ASIC2: variants seen among roughly 807,000 people sequenced by gnomAD.
ASIC2 encodes acid-sensing ion channel 2.
A neutral mutation model predicts 57.3 loss-of-function variants in ASIC2; 25 were observed. The ratio of observed to expected loss-of-function variants is 0.44; its 90% CI spans 0.32 to 0.61. ASIC2 has a LOEUF of 0.61. Ranked by LOEUF, ASIC2 falls within the 20% of genes least tolerant of loss-of-function variation. ASIC2 has a pLI of 0.06. For synonymous variants in ASIC2, 319 were observed against 307.5 expected, an observed-to-expected ratio of 1.04 and a Z score of -0.39; for missense variants, 641 against 738.1, an observed-to-expected ratio of 0.87 and a Z score of 1.52.
At chr17:34,007,517 G>A (rs1906566003) in intron 1 of ASIC2, among the ~76,000 whole-genome samples, 1 of 152,164 alleles carries the variant, frequency 6.6e-6, no homozygotes, top group South Asian at 2.1e-4. Flanking sequence ...TGCTCAAAGG[G>A]CCAGAAGACA....
intron 1 of ASIC2, among the ~76,000 whole-genome samples, chr17:33,808,657 A>T (rs1403805798): frequency 6.6e-6 from 1 of 152,198 alleles, no homozygotes; most frequent in Non-Finnish European, 1.5e-5. Context: ...CTGTGTGGTG[A>T]TGATCACATC....
At chr17:33,804,021 A>G (rs1261999515) in intron 1 of ASIC2, among the ~76,000 whole-genome samples, 1 of 152,184 alleles carries the variant, frequency 6.6e-6, no homozygotes, top group Non-Finnish European at 1.5e-5. Context: ...AAAAATACCC[A>G]CAGCAGCCTG....
At chr17:33,194,235 C>T (rs909130948) in intron 1 of ASIC2, among the ~76,000 whole-genome samples, 1 of 152,186 alleles carries the variant, frequency 6.6e-6, no homozygotes, top group African/African-American at 2.4e-5. Flanking sequence ...CTAAAAAGCT[C>T]CTTGTTTTTC....
chr17:33,324,464 G>A (rs1176865368), intron 1 of ASIC2, among the ~76,000 whole-genome samples: 1 of 151,848 alleles, frequency 6.6e-6, no homozygotes, highest in African/African-American at 2.4e-5. Context: ...CTGCTGGACT[G>A]TAGCAGGATA....
intron 1 of ASIC2, among the ~76,000 whole-genome samples, chr17:33,467,718 T>A (rs1336389673): frequency 6.6e-6 from 1 of 152,214 alleles, no homozygotes; most frequent in African/African-American, 2.4e-5. Context: ...CTCAATCAAT[T>A]GCCAATCAGA....
chr17:33,350,941 C>T (rs955164521), intron 1 of ASIC2, among the ~76,000 whole-genome samples: 2 of 152,182 alleles, frequency 1.3e-5, no homozygotes, highest in Non-Finnish European at 1.5e-5. Context: ...TCTGTTCTAA[C>T]ATTTTGGGAT....
chr17:33,427,196 G>A (rs1366470350), intron 1 of ASIC2, among the ~76,000 whole-genome samples: 1 of 152,178 alleles, frequency 6.6e-6, no homozygotes, highest in Non-Finnish European at 1.5e-5. Context: ...TTTTAAACAG[G>A]AGTGTAATGA....
chr17:33,886,944 AAACAAACT>A (rs1387396901), intron 1 of ASIC2, among the ~76,000 whole-genome samples: 28 of 151,472 alleles, frequency 1.8e-4, no homozygotes, highest in African/African-American at 5.8e-4. Context: ...GAAAACAAAC[AAACAAACT>A]AACAAAAAAA....
intron 1 of ASIC2, chr17:34,120,192 T>C (rs1197767229): frequency 6.6e-6 from 1 of 152,204 alleles, no homozygotes; most frequent in African/African-American, 2.4e-5. Flanking sequence ...CTGATGACAA[T>C]TATGGGGGAA....
intron 1 of ASIC2, chr17:33,290,637 C>T (rs1785554166): frequency 6.6e-6 from 1 of 152,268 alleles, no homozygotes; most frequent in Non-Finnish European, 1.5e-5. Flanking sequence ...GCTTTCTCAA[C>T]TCCGGAGCAA....
rs543397418 is a variant in ASIC2, at chr17:33,897,327, C to T, written c.555+258651G>A. On this transcript the variant is annotated intron_variant, in intron 1 of 9. Transcript: ENST00000359872. ...AGAAATAATGGTTTTGCCCCAAAGCCTCTCTCTCCTTCCCTCTGCATTTCA... is the reference window on the plus strand; with the variant it reads ...AGAAATAATGGTTTTGCCCCAAAGCTTCTCTCTCCTTCCCTCTGCATTTCA... 4.2e-4 allele frequency among the ~76,000 whole-genome samples: 64 copies of T among 152,238 alleles called. 1 individual carries two copies. The South Asian group carries it at 0.013, about 31-fold the overall frequency.
chr17:33,808,229 T>C lies in ASIC2; in HGVS notation c.555+347749A>G, dbSNP rs552666929. On this transcript the variant is annotated intron_variant, in intron 1 of 9. Transcript: ENST00000359872. ...TTGTGAACAGTGTGAGGTCTGTGTCTACATTCTTTTTTTGCATGCGAATGC... is the reference window on the plus strand; with the variant it reads ...TTGTGAACAGTGTGAGGTCTGTGTCCACATTCTTTTTTTGCATGCGAATGC... Among the ~76,000 whole-genome samples, 3 of 152,378 alleles carry C rather than the reference T, an allele frequency of 2.0e-5. No individual in the cohort carries two copies. In the East Asian group the frequency reaches 5.8e-4, roughly 29 times the overall value.
intron 1 of ASIC2, among the ~76,000 whole-genome samples, chr17:34,106,437 C>T (rs1332023428): frequency 6.6e-6 from 1 of 152,110 alleles, no homozygotes; most frequent in Non-Finnish European, 1.5e-5. Flanking sequence ...AGCTCCAGCA[C>T]TCCTTCCATA....
intron 1 of ASIC2, among the ~76,000 whole-genome samples, chr17:33,133,585 C>G (rs987531448): frequency 6.6e-6 from 1 of 152,172 alleles, no homozygotes; most frequent in Non-Finnish European, 1.5e-5. Flanking sequence ...ATGATTATCC[C>G]AAAGGATTCG....
chr17:34,087,421 AT>A (rs1203391724), intron 1 of ASIC2, among the ~76,000 whole-genome samples: 1 of 152,132 alleles, frequency 6.6e-6, no homozygotes, highest in Non-Finnish European at 1.5e-5. Context: ...TGTTAGTCTG[AT>A]GGGCTTCCCT....
intron 1 of ASIC2, among the ~76,000 whole-genome samples, chr17:34,155,053 G>T (rs1161577614): frequency 2.0e-5 from 3 of 150,844 alleles, no homozygotes; most frequent in Non-Finnish European, 4.4e-5. Context: ...ATCCCCCTCC[G>T]CTTTTCCTCT....
chr17:34,020,774 C>A (rs753233335), intron 1 of ASIC2, among the ~76,000 whole-genome samples: 11 of 152,174 alleles, frequency 7.2e-5, no homozygotes, highest in Non-Finnish European at 1.6e-4. Flanking sequence ...GGAAGGAATG[C>A]AGCCCCGCCC....
intron 1 of ASIC2, chr17:33,936,838 T>G (rs1042447104): frequency 8.5e-5 from 13 of 152,286 alleles, no homozygotes; most frequent in Non-Finnish European, 1.9e-4. Flanking sequence ...GAGACAAGCA[T>G]GAACACATCG....
At chr17:33,723,198 A>C (rs1909440054) in intron 1 of ASIC2, among the ~76,000 whole-genome samples, 1 of 152,246 alleles carries the variant, frequency 6.6e-6, no homozygotes, top group Non-Finnish European at 1.5e-5. Flanking sequence ...ACCTCACAGC[A>C]ATAGAAAAGA....
Sources: allele counts gnomAD v4.1 joint callset (sites outside exome capture counted in the v4.1 genomes callset), GRCh38; gene constraint gnomAD v4.1.1; transcripts MANE v1.5; gene names NCBI Gene and HGNC (gene_info 2026-07-23, HGNC 2026-07-21).